The following PTPRD variants were observed in gnomAD, a reference collection of about 807,000 sequenced individuals.
PTPRD encodes protein tyrosine phosphatase receptor type D.
A neutral mutation model predicts 214.5 loss-of-function variants in PTPRD; 34 were observed. The ratio of observed to expected loss-of-function variants is 0.16; its 90% confidence interval spans 0.12 to 0.21. PTPRD has a LOEUF of 0.21. Among genes scored for constraint, PTPRD ranks in the 10% least tolerant of loss-of-function variants. The probability of loss-of-function intolerance (pLI) is 1.00; values close to 1 mark genes in which losing one functional copy is unlikely to be tolerated. For synonymous variants in PTPRD, 1,128 were observed against 845.7 expected (o/e 1.33, Z -5.79); for missense variants, 2,545 against 2,398.7 (o/e 1.06, Z -1.27).
chr9:9,789,080 T>A (rs183005584), intron 5 of PTPRD, among the ~76,000 whole-genome samples: 3 of 152,248 alleles, frequency 2.0e-5, no homozygotes, highest in African/African-American at 7.2e-5. Context: ...TACATGGACA[T>A]CTGGAGGGAT....
At chr9:10,292,455 A>G (rs527559727) in intron 3 of PTPRD, among the ~76,000 whole-genome samples, 1 of 152,106 alleles carries the variant, frequency 6.6e-6, no homozygotes, top group African/African-American at 2.4e-5. Context: ...CTTGGAATAA[A>G]AGCAAAAGTC....
intron 11 of PTPRD, among the ~76,000 whole-genome samples, chr9:8,962,538 A>AG (rs2099164207): frequency 6.7e-6 from 1 of 149,708 alleles, no homozygotes; most frequent in Non-Finnish European, 1.5e-5. Context: ...AGAAGAGAGA[A>AG]AGAGAGAGAG....
At chr9:8,967,118 G>A (rs1212610826) in intron 11 of PTPRD, among the ~76,000 whole-genome samples, 4 of 151,462 alleles carry the variant, frequency 2.6e-5, no homozygotes, top group Non-Finnish European at 5.9e-5. Flanking sequence ...TAGTCAGAAT[G>A]ACAATTATTA....
chr9:8,709,514 C>CAA (rs758112672), intron 12 of PTPRD, among the ~76,000 whole-genome samples: 61 of 56,126 alleles, frequency 1.1e-3, no homozygotes, highest in East Asian at 1.9e-3. Context: ...GACTCCATCT[C>CAA]AAAAAAAAAA....
chr9:8,431,647 C>T (rs1306836843), intron 35 of PTPRD, among the ~76,000 whole-genome samples: 1 of 152,128 alleles, frequency 6.6e-6, no homozygotes, highest in African/African-American at 2.4e-5. Context: ...TAATACATTA[C>T]CCTAAACCAA....
chr9:10,585,370 A>G (rs1043599983), intron 2 of PTPRD, among the ~76,000 whole-genome samples: 2 of 152,036 alleles, frequency 1.3e-5, no homozygotes, highest in Non-Finnish European at 2.9e-5. Context: ...GCTCTTCTAA[A>G]TCTCATCCAG....
chr9:9,454,060 A>C (rs1250294081), intron 8 of PTPRD, among the ~76,000 whole-genome samples: 1 of 151,712 alleles, frequency 6.6e-6, no homozygotes, highest in African/African-American at 2.4e-5. Flanking sequence ...TCCTGAAAGA[A>C]TTTCACGACA....
chr9:8,560,385 G>A (rs539715008), intron 14 of PTPRD, among the ~76,000 whole-genome samples: 3 of 150,438 alleles, frequency 2.0e-5, no homozygotes, highest in Admixed American at 6.6e-5. Context: ...AAACAATACA[G>A]GTAATTTAGA....
intron 5 of PTPRD, among the ~76,000 whole-genome samples, chr9:9,814,413 G>C (rs958710076): frequency 6.6e-6 from 1 of 151,396 alleles, no homozygotes; most frequent in Non-Finnish European, 1.5e-5. Context: ...CTATAAAACC[G>C]TTAGAATAAA....
intron 4 of PTPRD, among the ~76,000 whole-genome samples, chr9:10,029,145 G>A (rs896936078): frequency 2.0e-5 from 3 of 152,190 alleles, no homozygotes; most frequent in African/African-American, 7.2e-5. Flanking sequence ...GTCAAGAACT[G>A]GAGTTTGGGA....
intron 12 of PTPRD, among the ~76,000 whole-genome samples, chr9:8,658,216 G>T (rs1287324660): frequency 6.6e-6 from 1 of 152,144 alleles, no homozygotes; most frequent in African/African-American, 2.4e-5. Flanking sequence ...GGAATTAAAG[G>T]AGCTCTATAA....
chr9:8,706,687 TCA>T (rs2154400261), intron 12 of PTPRD, among the ~76,000 whole-genome samples: 2 of 152,306 alleles, frequency 1.3e-5, no homozygotes, highest in South Asian at 2.1e-4. Context: ...TGATGGAAAT[TCA>T]CAGTCTCAGA....
chr9:9,379,193 TGA>T lies in PTPRD; in HGVS notation c.-203+18254_-203+18255del, dbSNP rs199766721. 4.6e-3 allele frequency among the ~76,000 whole-genome samples: 621 copies of T among 133,694 alleles called. 3 individuals carry two copies. The highest frequency in any genetic ancestry group is 0.017 in the African/African-American group (590 of 34,614). The allele number at this position is 133,694 out of a possible 152,430, so 87.7% of individuals were successfully genotyped here. On this transcript the variant is annotated intron_variant, in intron 9 of 45. Transcript: ENST00000381196. ...TTTTGTGAAGGGCATAGGTCTATGT[TGA>T]GATATATATATATATGATATATATT...
chr9:9,428,021 C>A (rs1341353090), intron 8 of PTPRD, among the ~76,000 whole-genome samples: 1 of 152,136 alleles, frequency 6.6e-6, no homozygotes, highest in East Asian at 1.9e-4. Flanking sequence ...GCAAAATAAC[C>A]AGCTAACATC....
intron 6 of PTPRD, among the ~76,000 whole-genome samples, chr9:9,743,508 T>C (rs1398560987): frequency 1.3e-5 from 2 of 152,126 alleles, no homozygotes; most frequent in Non-Finnish European, 2.9e-5. Context: ...TAATATTAGA[T>C]AATCCTGGAC....
intron 9 of PTPRD, among the ~76,000 whole-genome samples, chr9:9,289,690 C>T (rs1016065966): frequency 2.6e-5 from 4 of 151,754 alleles, no homozygotes; most frequent in Non-Finnish European, 4.4e-5. Context: ...TTAAATTCCA[C>T]ATATAATGAG....
chr9:8,880,526 T>C (rs892441276), intron 11 of PTPRD, among the ~76,000 whole-genome samples: 1 of 152,202 alleles, frequency 6.6e-6, no homozygotes, highest in African/African-American at 2.4e-5. Flanking sequence ...TAACTATTAC[T>C]GTTTAATCTG....
chr9:10,514,427 C>T (rs1202872667), intron 2 of PTPRD, among the ~76,000 whole-genome samples: 1 of 151,210 alleles, frequency 6.6e-6, no homozygotes, highest in Non-Finnish European at 1.5e-5. Flanking sequence ...AGTATATATA[C>T]ACCATAGTTT....
At chr9:8,655,787 T>C (rs1432985953) in intron 12 of PTPRD, among the ~76,000 whole-genome samples, 2 of 151,884 alleles carry the variant, frequency 1.3e-5, no homozygotes, top group Admixed American at 6.6e-5. Context: ...TTTTCTTTTA[T>C]ATTACTGTAT....
Sources: allele counts gnomAD v4.1 joint callset (sites outside exome capture counted in the v4.1 genomes callset), GRCh38; gene constraint gnomAD v4.1.1; transcripts MANE v1.5; gene names NCBI Gene and HGNC (gene_info 2026-07-23, HGNC 2026-07-21).